WHRN: variants seen among roughly 807,000 people sequenced by gnomAD.
WHRN encodes the protein CASK-interacting protein CIP98.
WHRN carries 41 observed loss-of-function variants against 68.3 expected under a neutral mutation model. That is an observed-to-expected ratio of 0.60 (90% confidence interval 0.47 to 0.78). WHRN has a LOEUF of 0.78. Among genes scored for constraint, WHRN ranks in the 30% least tolerant of loss-of-function variants. The pLI is 0.00. For synonymous variants in WHRN, 560 were observed against 561.3 expected (o/e 1.00, Z 0.03); for missense variants, 1,243 against 1,244.7 (o/e 1.00, Z 0.02).
intron 3 of WHRN, among the ~76,000 whole-genome samples, chr9:114,430,323 A>G (rs1837302897): frequency 6.6e-6 from 1 of 152,264 alleles, no homozygotes; most frequent in African/African-American, 2.4e-5. Flanking sequence ...AAATGCTTTA[A>G]AAATATACAT....
intron 8 of WHRN, 63 bp from the exon 9 acceptor site, chr9:114,406,955 C>A: frequency 1.9e-6 from 3 of 1,538,780 alleles, no homozygotes; most frequent in Non-Finnish European, 2.6e-6. Context: ...AGAGGGGAGG[C>A]CGAGCAGCTG....
At chr9:114,493,802 G>A (rs1033972319) in intron 1 of WHRN, among the ~76,000 whole-genome samples, 5 of 152,320 alleles carry the variant, frequency 3.3e-5, no homozygotes, top group South Asian at 2.1e-4. Flanking sequence ...TGTGCCCAGG[G>A]GAGAACAGGG....
At chr9:114,485,101 A>T (rs1302870933) in intron 1 of WHRN, among the ~76,000 whole-genome samples, 1 of 152,222 alleles carries the variant, frequency 6.6e-6, no homozygotes, top group Non-Finnish European at 1.5e-5. Flanking sequence ...AGTCTCAAGC[A>T]AGGACACGTA....
intron 9 of WHRN, 83 bp from the exon 10 acceptor site, chr9:114,404,160 G>A: frequency 2.8e-6 from 4 of 1,405,664 alleles, no homozygotes; most frequent in Middle Eastern, 1.8e-4. Context: ...CGGAGATGGA[G>A]GCTGGAAGGC....
intron 3 of WHRN, among the ~76,000 whole-genome samples, chr9:114,451,278 A>G (rs10759700): frequency 0.96 from 146,170 of 152,144 alleles, 70,474 homozygotes; most frequent in East Asian, 1. Context: ...ATGTGGCCTT[A>G]GGGAGGCCTG....
chr9:114,504,709 C>T lies in WHRN; in HGVS notation c.93G>A (p.Gly31=). 6.6e-7 allele frequency: 1 copy of T among 1,525,010 alleles called. No individual in the cohort carries two copies. 94.5% of individuals were successfully genotyped at this position (1,525,010 alleles called of 1,614,324 possible). ...GCACGTTGGCAGACAGTAACCGCAG[C>T]CCCGCGCCCCCGCCGCCGCCCGCCC... ...AAGAGGGGGA[G]LRLLSANVRQ... is the part of the protein sequence containing the mutation. Residue 31 remains glycine (G), a synonymous_variant, in exon 1 of 12, where the codon GGG becomes GGA. Transcript: ENST00000362057.
rs727504908 is a variant in WHRN at position 114,423,305 on chromosome 9, G to A, written c.1626+9C>T. On this transcript the variant is annotated intron_variant, in intron 7 of 11. Transcript: ENST00000362057. ...CTACTAAGCCAGGGACAAGGCAGAA[G>A]AAGCTCACCCTGGCCGAGCTGACGG... The A allele has an allele frequency of 1.9e-6, 3 of 1,613,792 alleles. No homozygotes were observed. In the East Asian group the frequency reaches 6.7e-5, roughly 36 times the overall value.
chr9:114,419,937 T>G (rs1836131037), intron 7 of WHRN, among the ~76,000 whole-genome samples: 1 of 152,120 alleles, frequency 6.6e-6, no homozygotes, highest in South Asian at 2.1e-4. Context: ...CCACCAGGAC[T>G]GGGTGCAGAC....
intron 1 of WHRN, among the ~76,000 whole-genome samples, chr9:114,495,870 C>T (rs1589270250): frequency 6.6e-6 from 1 of 152,212 alleles, no homozygotes; most frequent in Non-Finnish European, 1.5e-5. Context: ...ACCCCTCCGT[C>T]CAGGGACAGG....
chr9:114,489,055 A>G (rs1408626876), intron 1 of WHRN, among the ~76,000 whole-genome samples: 1 of 152,162 alleles, frequency 6.6e-6, no homozygotes. Context: ...TTATAGGATC[A>G]AGTACTCCAA....
chr9:114,455,928 T>C (rs1839751829), intron 3 of WHRN, among the ~76,000 whole-genome samples: 1 of 152,074 alleles, frequency 6.6e-6, no homozygotes, highest in Admixed American at 6.5e-5. Context: ...TAGTCTACAG[T>C]TGGGCAAAAT....
chr9:114,416,559 A>C (rs747930455), intron 7 of WHRN, among the ~76,000 whole-genome samples: 1 of 152,088 alleles, frequency 6.6e-6, no homozygotes, highest in African/African-American at 2.4e-5. Context: ...TCCTCCAGCC[A>C]TGTAAGATGT....
At position 114,453,829 on chromosome 9, in the gene WHRN, C is replaced by A. The variant is rs530765728; in HGVS notation, c.963+12438G>T. Among the ~76,000 whole-genome samples the A allele has an allele frequency of 4.6e-5, 7 of 152,282 alleles. No individual in the cohort carries two copies. The South Asian group carries it at 1.2e-3, about 27-fold the overall frequency. On this transcript the variant is annotated intron_variant, in intron 3 of 11. Transcript: ENST00000362057. ...TTCCCAACTCATTTTGTGAAGCCAG[C>A]ATTATATAATACTAAGACTAGATAC... is the stretch of plus-strand genomic sequence containing the variant.
intron 2 of WHRN, among the ~76,000 whole-genome samples, chr9:114,475,304 G>T (rs77853799): frequency 0.037 from 5,690 of 152,218 alleles, 138 homozygotes; most frequent in Admixed American, 0.07. Flanking sequence ...TATAGAGGCT[G>T]CGGGTTAGAA....
chr9:114,409,321 G>A (rs1835262835), intron 7 of WHRN, among the ~76,000 whole-genome samples: 1 of 152,224 alleles, frequency 6.6e-6, no homozygotes, highest in African/African-American at 2.4e-5. Flanking sequence ...CAGGGAGACT[G>A]CAGAGAGAGC....
chr9:114,428,536 G>A (rs1392429220), intron 3 of WHRN, among the ~76,000 whole-genome samples: 1 of 152,192 alleles, frequency 6.6e-6, no homozygotes, highest in African/African-American at 2.4e-5. Context: ...GAAAGGTTAA[G>A]CACATAGTTT....
chr9:114,479,254 A>T (rs912526870), intron 1 of WHRN, among the ~76,000 whole-genome samples: 8 of 152,182 alleles, frequency 5.3e-5, no homozygotes, highest in African/African-American at 1.9e-4. Flanking sequence ...AGCCCCCAAT[A>T]AAAACTGTGG....
rs1189125327 is a variant in WHRN, at chr9:114,423,313, C to T, written c.1626+1G>A. ...CCAGGGACAAGGCAGAAGAAGCTCA[C>T]CCTGGCCGAGCTGACGGTGGTGGAG... On this transcript the variant is annotated splice_donor_variant, in intron 7 of 11. Coordinates refer to ENST00000362057, the MANE Select transcript of WHRN (RefSeq NM_015404.4). LOFTEE classifies it high-confidence loss of function. 6.2e-7 allele frequency: 1 copy of T among 1,613,774 alleles called. No individual in the cohort carries two copies. Among genetic ancestry groups the T allele is most frequent in the Non-Finnish European group, 8.5e-7 (1 of 1,179,886 alleles).
intron 1 of WHRN, among the ~76,000 whole-genome samples, chr9:114,487,773 G>A (rs989042377): frequency 8.5e-5 from 13 of 152,202 alleles, no homozygotes; most frequent in African/African-American, 2.9e-4. Flanking sequence ...TCTACCTGCA[G>A]GGGGAAGCAC....
Sources: gnomAD v4.1 joint callset for allele counts (sites outside exome capture counted in the v4.1 genomes callset) on GRCh38, gnomAD v4.1.1 for gene constraint, MANE v1.5 for transcripts, NCBI Gene and HGNC (gene_info 2026-07-23, HGNC 2026-07-21) for gene names.